The following POP5 variants were observed in gnomAD, a reference collection of about 807,000 sequenced individuals.
The protein encoded by POP5 is ribonuclease P/MRP protein subunit POP5.
A neutral mutation model predicts 20.7 loss-of-function variants in POP5; 18 were observed. That is an observed-to-expected ratio of 0.87 (90% confidence interval 0.60 to 1.29). The LOEUF is 1.29. Among genes scored for constraint, POP5 ranks in the 50% most tolerant of loss-of-function variants. The pLI, the probability that POP5 is intolerant of heterozygous loss-of-function variation, is 0.00. For synonymous variants in POP5, 91 were observed against 78.0 expected (o/e 1.17, Z -0.88); for missense variants, 200 against 203.2 (o/e 0.98, Z 0.10).
Position 120,579,868 on chromosome 12 carries a change from G to T in POP5, c.219C>A (p.Phe73Leu). 2.5e-6 allele frequency: 4 copies of T among 1,610,672 alleles called. No homozygotes were observed. Among genetic ancestry groups the T allele is most frequent in the Non-Finnish European group, 3.4e-6 (4 of 1,176,796 alleles). ...GIVLLRCRKE[F>L]YQLVWSALPF... ...GAAGAGCTGACCACACAAGCTGATAGAATTCTTTTCTGCATCGAAGTAGCA... is the reference window on the plus strand; with the variant it reads ...GAAGAGCTGACCACACAAGCTGATATAATTCTTTTCTGCATCGAAGTAGCA... The change falls in exon 3 of 5, where the codon TTC becomes TTA. Residue 73 changes from phenylalanine to leucine, a missense_variant. Coordinates refer to ENST00000357500, the MANE Select transcript of POP5 (RefSeq NM_015918.4).
chr12:120,580,864 A>G (rs1407980753), intron 2 of POP5: 6 of 554,844 alleles, frequency 1.1e-5, no homozygotes, highest in African/African-American at 7.5e-5. Flanking sequence ...ATCACAACCA[A>G]TTACAGAAAT....
chr12:120,580,234 C>T (rs1877792463), intron 2 of POP5: 4 of 266,816 alleles, frequency 1.5e-5, no homozygotes, highest in South Asian at 5.0e-5. Flanking sequence ...AACAGCCAGA[C>T]TGTCTCGAAA....
At chr12:120,580,944 G>T (rs897212874) in intron 2 of POP5, 171 bp downstream of exon 2, 17 of 1,057,556 alleles carry the variant, frequency 1.6e-5, no homozygotes, top group Non-Finnish European at 2.2e-5. Context: ...TCCTTTTAGC[G>T]CTCTGCTAAT....
chr12:120,579,520 C>T lies in POP5; in HGVS notation c.391G>A (p.Asp131Asn), dbSNP rs1178891915. 1.2e-6 allele frequency: 2 copies of T among 1,613,906 alleles called. No individual in the cohort carries two copies. Residue 131 changes from aspartate (D) to asparagine (N), a missense_variant, in exon 4 of 5, where the codon GAT becomes AAT. By Grantham distance (23) the Asp-to-Asn change is conservative. Coordinates refer to ENST00000357500, the MANE Select transcript of POP5 (RefSeq NM_015918.4). ...QLLILLQNCTDEGEREAIQKS... is the reference protein window; with the variant it reads ...QLLILLQNCTNEGEREAIQKS... ...CTGGGCTAGTGTTGCTTACCTTCAT[C>T]AGTGCAGTTCTGCAACAAGATCAAC...
chr12:120,580,969 T>A (rs1593132044), intron 2 of POP5, 146 bp downstream of exon 2: 1 of 1,305,864 alleles, frequency 7.7e-7, no homozygotes, highest in African/African-American at 1.5e-5. Context: ...GACTCTCGCT[T>A]GGGGTCCCAG....
In POP5 at chr12:120,579,281, C is replaced by G. The variant is rs774011442; in HGVS notation, c.*37G>C. The G allele has an allele frequency of 3.8e-6, 6 of 1,572,032 alleles. No homozygotes were observed. The South Asian group carries it at 6.7e-5, about 17-fold the overall frequency. On this transcript the variant is annotated 3_prime_UTR_variant, in exon 5 of 5. Transcript: ENST00000357500. The stretch of plus-strand genomic sequence containing the variant: ...TTCTGTTCAACAAGTGGGCCTGAAG[C>G]CTGAGCAGTGTAGCCAGCTGTGTGG...
intron 3 of POP5, 50 bp downstream of exon 3, chr12:120,579,724 G>T (rs371641220): frequency 4.4e-5 from 69 of 1,564,856 alleles, no homozygotes; most frequent in Non-Finnish European, 5.8e-5. Flanking sequence ...AGACTGAACT[G>T]TGAACGTGTC....
rs981013262 is a variant in POP5, at chr12:120,579,201, G to A, written c.*117C>T. 1 of 898,684 alleles carries A rather than the reference G, an allele frequency of 1.1e-6. No homozygotes were observed. The highest frequency in any genetic ancestry group is 1.8e-6 in the Non-Finnish European group (1 of 548,664). 55.7% of individuals were successfully genotyped at this position (898,684 alleles called of 1,614,324 possible). Reference sequence around the variant, plus strand: ...CATTTCAAGTGGGTAATGTCTGCTGGTTGGCAGCTATCCAGTTTGGAAAAC... The same window carrying A: ...CATTTCAAGTGGGTAATGTCTGCTGATTGGCAGCTATCCAGTTTGGAAAAC... On this transcript the variant is annotated 3_prime_UTR_variant, in exon 5 of 5. Coordinates refer to ENST00000357500, the MANE Select transcript of POP5 (RefSeq NM_015918.4).
In POP5 at chr12:120,581,155, G is replaced by A; in HGVS notation, c.123C>T (p.His41=). The A allele has an allele frequency of 3.7e-6, 6 of 1,613,444 alleles. No homozygotes were observed. Among genetic ancestry groups the A allele is most frequent in the Non-Finnish European group, 4.2e-6 (5 of 1,180,030 alleles). Residue 41 remains histidine (H), a synonymous_variant, in exon 2 of 5, where the codon CAC becomes CAT. Transcript: ENST00000357500. ...SLVRDTIARV[H]GTFGAAACSI... ...AGCAGGCGGCTGCGCCGAAAGTTCCGTGCACCCTGGCGATCGTGTCCCGTA... is the reference window on the plus strand; with the variant it reads ...AGCAGGCGGCTGCGCCGAAAGTTCCATGCACCCTGGCGATCGTGTCCCGTA...
chr12:120,579,379 C>T lies in POP5; in HGVS notation c.431G>A (p.Arg144Lys). The T allele has an allele frequency of 1.2e-6, 2 of 1,614,228 alleles. No homozygotes were observed. Among genetic ancestry groups the T allele is most frequent in the Non-Finnish European group, 1.7e-6 (2 of 1,180,026 alleles). Residue 144 changes from arginine to lysine, a missense_variant, in exon 5 of 5, where the codon AGA becomes AAA. Physicochemically the swap from Arg to Lys is conservative, Grantham distance 26. Coordinates refer to ENST00000357500, the MANE Select transcript of POP5 (RefSeq NM_015918.4). Reference protein sequence around the residue: ...EREAIQKSVTRSCLLEEEEES... With the variant: ...EREAIQKSVTKSCLLEEEEES... ...CTCCTCCTCCTCTAATAAGCAGCTT[C>T]TTGTCACAGACTTCTGGATAGCTTC...
In POP5 at chr12:120,579,065, T is replaced by C; in HGVS notation, c.*253A>G. 5 of 538,766 alleles carry C rather than the reference T, an allele frequency of 9.3e-6. No individual in the cohort carries two copies. The South Asian group carries it at 1.1e-4, about 12-fold the overall frequency. 33.4% of individuals were successfully genotyped at this position (538,766 alleles called of 1,614,324 possible). A position where few individuals can be genotyped will look rare whatever the true frequency, so the allele number is the denominator to read the frequency against. ...CTAAATGCCACGGAAACCAGATACA[T>C]TTATTAAATCTACTCTTAGCCAAGC... On this transcript the variant is annotated 3_prime_UTR_variant, in exon 5 of 5. Transcript: ENST00000357500.
In POP5 at chr12:120,581,199, G is replaced by T. The variant is rs753473440; in HGVS notation, c.79C>A (p.Arg27=). ...TCCCGTACGAGGCTGCTCAGAACTC[G>T]GTCATCGAGGCTTAGGCGGCAGCGG... ...DPRCRLSLDD[R]VLSSLVRDTI... The change falls in exon 2 of 5, where the codon CGA becomes AGA. Residue 27 remains arginine, a synonymous_variant. Coordinates refer to ENST00000357500, the MANE Select transcript of POP5 (RefSeq NM_015918.4). The T allele has an allele frequency of 6.2e-7, 1 of 1,614,102 alleles. No homozygotes were observed. The highest frequency in any genetic ancestry group is 8.5e-7 in the Non-Finnish European group (1 of 1,180,046).
chr12:120,580,977 C>A, intron 2 of POP5, 138 bp downstream of exon 2: 1 of 1,359,100 alleles, frequency 7.4e-7, no homozygotes, highest in Non-Finnish European at 9.9e-7. Context: ...CTTGGGGTCC[C>A]AGGCGCTTAA....
rs1877731376 is a variant in POP5 at position 120,579,409 on chromosome 12, T to C, written c.401A>G (p.Glu134Gly). ...CACAGACTTCTGGATAGCTTCCCGCTCTCCTGGAGAAGGCAGATAACAGGG... is the reference window on the plus strand; with the variant it reads ...CACAGACTTCTGGATAGCTTCCCGCCCTCCTGGAGAAGGCAGATAACAGGG... Reference protein sequence around the residue: ...ILLQNCTDEGEREAIQKSVTR... With the variant: ...ILLQNCTDEGGREAIQKSVTR... The change falls in exon 5 of 5, where the codon GAG (glutamate) becomes GGG (glycine). Residue 134 changes from glutamate to glycine, a missense_variant. Glu to Gly is a moderately conservative substitution (Grantham distance 98). Transcript: ENST00000357500. The C allele has an allele frequency of 6.2e-7, 1 of 1,613,486 alleles. No individual in the cohort carries two copies. Among genetic ancestry groups the C allele is most frequent in the Non-Finnish European group, 8.5e-7 (1 of 1,179,424 alleles).
rs114788845 is a variant in POP5 at position 120,579,641 on chromosome 12, G to A, written c.314-44C>T. 8.2e-4 allele frequency: 1,294 copies of A among 1,569,938 alleles called. 6 individuals are homozygous for A. In the African/African-American group the frequency reaches 0.013, roughly 16 times the overall value. On this transcript the variant is annotated intron_variant, in intron 3 of 4. Coordinates refer to ENST00000357500, the MANE Select transcript of POP5 (RefSeq NM_015918.4). ...TGGTCAACAGCTTGTGAAAGATCTC[G>A]ACCTTACAGACTTTCAGAGGTAGGG...
In POP5 at chr12:120,579,233, A is replaced by T; in HGVS notation, c.*85T>A. 8.3e-7 allele frequency: 1 copy of T among 1,208,440 alleles called. No homozygotes were observed. Among genetic ancestry groups the T allele is most frequent in the Non-Finnish European group, 1.2e-6 (1 of 813,926 alleles). 74.9% of individuals were successfully genotyped at this position (1,208,440 alleles called of 1,614,324 possible). Reference sequence around the variant, plus strand: ...GCTATCCAGTTTGGAAAACTGTGGAAGATGCTGTTGCTACCCAGATTGTTC... The same window carrying T: ...GCTATCCAGTTTGGAAAACTGTGGATGATGCTGTTGCTACCCAGATTGTTC... On this transcript the variant is annotated 3_prime_UTR_variant, in exon 5 of 5. Transcript: ENST00000357500.
chr12:120,580,754 A>G, intron 2 of POP5: 1 of 250,954 alleles, frequency 4.0e-6, no homozygotes. Flanking sequence ...ACTTTTGACA[A>G]TTTTTTTCCA....
chr12:120,579,308 GAGCAGAGGT>G lies in POP5; in HGVS notation c.*1_*9del, dbSNP rs1481456719. 1 of 1,610,158 alleles carries G rather than the reference GAGCAGAGGT, an allele frequency of 6.2e-7. No homozygotes were observed. The highest frequency in any genetic ancestry group is 1.3e-5 in the African/African-American group (1 of 74,854). On this transcript the variant is annotated 3_prime_UTR_variant, in exon 5 of 5. Transcript: ENST00000357500. The stretch of plus-strand genomic sequence containing the variant: ...TGAGCAGTGTAGCCAGCTGTGTGGG[GAGCAGAGGT>G]TCACTCCATTGCTTCTGCAGCCTCC...
chr12:120,580,546 C>G (rs184640960), intron 2 of POP5: 59 of 154,836 alleles, frequency 3.8e-4, no homozygotes, highest in African/African-American at 1.3e-3. Context: ...GCAGTCAGCT[C>G]TCAGTCTCAC....
Sources: allele counts gnomAD v4.1 joint callset, GRCh38; gene constraint gnomAD v4.1.1; transcripts MANE v1.5; gene names NCBI Gene and HGNC (gene_info 2026-07-23, HGNC 2026-07-21).